The following TMC8 variants were observed in gnomAD, a reference collection of about 807,000 sequenced individuals.
TMC8 encodes the protein transmembrane channel-like protein 8.
Under a neutral mutation model 76.0 loss-of-function variants are expected in TMC8, and 71 were observed. The ratio of observed to expected loss-of-function variants is 0.93; its 90% CI spans 0.77 to 1.14. The LOEUF (loss-of-function observed/expected upper bound fraction) is 1.14, where lower values mean the gene tolerates loss of function less well. Ranked by LOEUF, TMC8 falls within the 50% of genes most tolerant of loss-of-function variation. TMC8 has a pLI of 0.00. For missense variants in TMC8, 924 were observed against 947.9 expected, an observed-to-expected ratio of 0.97 and a Z score of 0.33; for synonymous variants, 433 against 433.8, an observed-to-expected ratio of 1.00 and a Z score of 0.02.
intron 15 of TMC8, 43 bp downstream of exon 15, chr17:78,139,283 GA>G: frequency 6.2e-7 from 1 of 1,607,932 alleles, no homozygotes. Context: ...AGCTTCAGTG[GA>G]AACCCTTCCC....
chr17:78,140,920 C>T lies in TMC8; in HGVS notation c.1989C>T (p.Tyr663=), dbSNP rs748982537. ...PGPSDSPGPK[Y]PASQASRPQS... ...CGAGCGACTCTCCGGGCCCCAAGTA[C>T]CCTGCCTCCCAAGCTTCGCGCCCGC... Residue 663 remains tyrosine, a synonymous_variant, in exon 16 of 16, where the codon TAC becomes TAT. Transcript: ENST00000318430. The T allele has an allele frequency of 7.0e-5, 112 of 1,604,222 alleles. 1 individual carries two copies. The East Asian group carries it at 2.4e-3, about 34-fold the overall frequency.
In TMC8 at chr17:78,133,866, C is replaced by G. The variant is rs2075127868; in HGVS notation, c.682C>G (p.Leu228Val). ...CCTGCCCCGCAGGATGGTGAAGGGG[C>G]TGCCGCAGAAGACTCTGCTGGGTCA... ...CGTLRRMVKG[L>V]PQKTLLGQGY... The change falls in exon 7 of 16, where the codon CTG becomes GTG. Residue 228 changes from leucine (L) to valine (V), a missense_variant. Leu to Val is a conservative substitution (Grantham distance 32). Coordinates refer to ENST00000318430, the MANE Select transcript of TMC8 (RefSeq NM_152468.5). 6.2e-7 allele frequency: 1 copy of G among 1,613,166 alleles called. No homozygotes were observed.
At chr17:78,137,517 C>A in intron 10 of TMC8, 159 bp downstream of exon 10, 1 of 1,341,362 alleles carries the variant, frequency 7.5e-7, no homozygotes, top group Non-Finnish European at 1.1e-6. Context: ...GGCGCCACTG[C>A]TGCCACATGG....
intron 15 of TMC8, among the ~76,000 whole-genome samples, chr17:78,140,318 A>G (rs2075340139): frequency 6.9e-6 from 1 of 144,616 alleles, no homozygotes; most frequent in African/African-American, 2.7e-5. Flanking sequence ...GGAGACACCC[A>G]GTTTCCACAA....
Position 78,131,493 on chromosome 17 carries a change from G to A in TMC8, c.-96G>A. On this transcript the variant is annotated 5_prime_UTR_variant, in exon 2 of 16. Transcript: ENST00000318430. The stretch of plus-strand genomic sequence containing the variant: ...GCCCGCCCCCAGCCCAGCGTGCACA[G>A]AGGCCATAGCCAAGGCCTTAAGGCT... 1.3e-6 allele frequency: 2 copies of A among 1,494,176 alleles called. No individual in the cohort carries two copies. Among genetic ancestry groups the A allele is most frequent in the East Asian group, 4.9e-5 (2 of 40,674 alleles). The allele number at this position is 1,494,176 out of a possible 1,614,324, so 92.6% of individuals were successfully genotyped here.
intron 10 of TMC8, 75 bp from the exon 11 acceptor site, chr17:78,137,642 C>A: frequency 7.3e-7 from 1 of 1,375,750 alleles, no homozygotes; most frequent in South Asian, 1.2e-5. Flanking sequence ...CCACAGAAAC[C>A]CTCACAGGAG....
At position 78,132,800 on chromosome 17, in the gene TMC8, C is replaced by T. The variant is rs141101059; in HGVS notation, c.461C>T (p.Pro154Leu). ...TCCTCCTCAACAGCCCTCCAGTGCC[C>T]TGGTAGCCGCCAGTCCCCGCCTGGC... ...GPTLNLTLQC[P>L]GSRQSPPGVL... The change falls in exon 5 of 16, where the codon CCT becomes CTT. Residue 154 changes from proline to leucine, a missense_variant. Coordinates refer to ENST00000318430, the MANE Select transcript of TMC8 (RefSeq NM_152468.5). The T allele has an allele frequency of 6.2e-6, 10 of 1,614,206 alleles. No individual in the cohort carries two copies. The highest frequency in any genetic ancestry group is 8.5e-6 in the Non-Finnish European group (10 of 1,180,030).
intron 1 of TMC8, chr17:78,131,074 A>ATGCC (rs2074952018): frequency 5.2e-6 from 1 of 192,908 alleles, no homozygotes; most frequent in African/African-American, 2.4e-5. Flanking sequence ...GATGTGGCAG[A>ATGCC]TGCCGAGTCC....
rs372804106 is a variant in TMC8 at position 78,141,608 on chromosome 17, A to ACTCTTC, written c.*499_*504dup. 4 of 152,072 alleles carry ACTCTTC rather than the reference A, an allele frequency of 2.6e-5. No homozygotes were observed. Among genetic ancestry groups the ACTCTTC allele is most frequent in the African/African-American group, 9.7e-5 (4 of 41,440 alleles). 9.4% of individuals were successfully genotyped at this position (152,072 alleles called of 1,614,324 possible). On this transcript the variant is annotated 3_prime_UTR_variant, in exon 16 of 16. Coordinates refer to ENST00000318430, the MANE Select transcript of TMC8 (RefSeq NM_152468.5). Reference sequence around the variant, plus strand: ...ACTGCCTGCATCATCCCTTCCTGTTACTCTTCCTTCACCTGAGACAGTCGA... The same window carrying ACTCTTC: ...ACTGCCTGCATCATCCCTTCCTGTTACTCTTCCTCTTCCTTCACCTGAGACAGTCGA...
At position 78,138,337 on chromosome 17, in the gene TMC8, T is replaced by G; in HGVS notation, c.1534-12T>G. ...CTCGCTGACTCCTGGTTGCTATTGC[T>G]TGCGCCCCCAGTACACCCTCCTGAA... is the stretch of plus-strand genomic sequence containing the variant. On this transcript the variant is annotated splice_polypyrimidine_tract_variant and intron_variant, in intron 12 of 15. Transcript: ENST00000318430. 6 of 1,610,724 alleles carry G rather than the reference T, an allele frequency of 3.7e-6. No individual in the cohort carries two copies. Among genetic ancestry groups the G allele is most frequent in the Non-Finnish European group, 5.1e-6 (6 of 1,179,996 alleles).
In TMC8 at chr17:78,137,376, G is replaced by A. The variant is rs370094570; in HGVS notation, c.1251+18G>A. ...ACTATCAGGTGGCTGGCAGCCCGGCGGGGCCTGTCCCTCCCTTCCTTCTCC... is the reference window on the plus strand; with the variant it reads ...ACTATCAGGTGGCTGGCAGCCCGGCAGGGCCTGTCCCTCCCTTCCTTCTCC... On this transcript the variant is annotated intron_variant, in intron 10 of 15. Transcript: ENST00000318430. 71 of 1,613,530 alleles carry A rather than the reference G, an allele frequency of 4.4e-5. No individual in the cohort carries two copies. The highest frequency in any genetic ancestry group is 1.6e-4 in the Middle Eastern group (1 of 6,062).
chr17:78,134,763 C>A, intron 8 of TMC8, 107 bp from the exon 9 acceptor site: 1 of 1,578,680 alleles, frequency 6.3e-7, no homozygotes, highest in African/African-American at 1.3e-5. Flanking sequence ...TACAGGCGAC[C>A]CTATTCTGGG....
In TMC8 at chr17:78,131,656, A is replaced by C. The variant is rs1474594280; in HGVS notation, c.68A>C (p.Glu23Ala). 11 of 1,564,674 alleles carry C rather than the reference A, an allele frequency of 7.0e-6. No homozygotes were observed. The highest frequency in any genetic ancestry group is 8.7e-6 in the Non-Finnish European group (10 of 1,155,854). The change falls in exon 2 of 16, where the codon GAG becomes GCG. Residue 23 changes from glutamate (E) to alanine (A), a missense_variant. Glu to Ala is a moderately radical substitution (Grantham distance 107). Coordinates refer to ENST00000318430, the MANE Select transcript of TMC8 (RefSeq NM_152468.5). ...GTGCCGGAGCCGGAGGAGCTGTGGG[A>C]GGCAGAGATGGAGCGGCTGCGCGGC... ...PGVPEPEELW[E>A]AEMERLRGSG...
chr17:78,137,977 G>C, intron 11 of TMC8, 28 bp from the exon 12 acceptor site: 1 of 1,612,986 alleles, frequency 6.2e-7, no homozygotes, highest in Non-Finnish European at 8.5e-7. Context: ...CTGGAGTGGT[G>C]AGTACCTGGA....
rs750132459 is a variant in TMC8 at position 78,133,878 on chromosome 17, ACT to A, written c.697_698del (p.Leu233AlafsTer33). 5.6e-6 allele frequency: 9 copies of A among 1,613,142 alleles called. No homozygotes were observed. Among genetic ancestry groups the A allele is most frequent in the African/African-American group, 4.0e-5 (3 of 74,904 alleles). ...GATGGTGAAGGGGCTGCCGCAGAAG[ACT>A]CTGCTGGGTCAGGGCTATCAGGCGC... Reference protein sequence around the residue: ...RRMVKGLPQKTLLGQGYQAPL... With the variant: ...RRMVKGLPQKXLLGQGYQAPL... On this transcript the variant is annotated frameshift_variant, in exon 7 of 16. Coordinates refer to ENST00000318430, the MANE Select transcript of TMC8 (RefSeq NM_152468.5). LOFTEE classifies it high-confidence loss of function.
Position 78,134,422 on chromosome 17 carries a change from AGCT to A in TMC8, c.847_849del (p.Leu283del). ...GAGCTGGAGGAGGGCCGTCGCTTCC[AGCT>A]GATGCAGCAGCAGACCCGGGCCCAG... is the stretch of plus-strand genomic sequence containing the variant. On this transcript the variant is annotated inframe_deletion, in exon 8 of 16. Transcript: ENST00000318430. The A allele has an allele frequency of 6.2e-7, 1 of 1,613,134 alleles. No individual in the cohort carries two copies. Among genetic ancestry groups the A allele is most frequent in the Non-Finnish European group, 8.5e-7 (1 of 1,180,026 alleles).
chr17:78,131,326 G>C lies in TMC8; in HGVS notation c.-263G>C. Reference sequence around the variant, plus strand: ...GCTGTGTGTCCCTCTGAGAGTTGGAGCGGGGCTGGGCCCGAATTCGACCGC... The same window carrying C: ...GCTGTGTGTCCCTCTGAGAGTTGGACCGGGGCTGGGCCCGAATTCGACCGC... On this transcript the variant is annotated 5_prime_UTR_variant, in exon 2 of 16. Transcript: ENST00000318430. 1.7e-6 allele frequency: 1 copy of C among 578,134 alleles called. No individual in the cohort carries two copies. Among genetic ancestry groups the C allele is most frequent in the Non-Finnish European group, 3.1e-6 (1 of 323,524 alleles). 35.8% of individuals were successfully genotyped at this position (578,134 alleles called of 1,614,324 possible).
rs755225253 is a variant in TMC8 at position 78,133,947 on chromosome 17, C to T, written c.763C>T (p.Arg255Trp). The change falls in exon 7 of 16, where the codon CGG (arginine) becomes TGG (tryptophan). Residue 255 changes from arginine (R) to tryptophan (W), a missense_variant. Coordinates refer to ENST00000318430, the MANE Select transcript of TMC8 (RefSeq NM_152468.5). ...KVFSSWDFCI[R>W]VQEAATIKKH... ...CTTCTCCTCATGGGACTTCTGCATC[C>T]GGGTGCAGGAAGCAGCCACCATCAA... is the stretch of plus-strand genomic sequence containing the variant. The T allele has an allele frequency of 1.5e-5, 25 of 1,613,528 alleles. No homozygotes were observed. Among genetic ancestry groups the T allele is most frequent in the East Asian group, 8.9e-5 (4 of 44,898 alleles).
rs760559122 is a variant in TMC8, at chr17:78,134,947, C to G, written c.1065C>G (p.Phe355Leu). Residue 355 changes from phenylalanine to leucine, a missense_variant, in exon 9 of 16, where the codon TTC becomes TTG. Coordinates refer to ENST00000318430, the MANE Select transcript of TMC8 (RefSeq NM_152468.5). The part of the protein sequence containing the change: ...ALVNFLGPLL[F>L]TFLVQLENYP... ...TCAACTTCCTGGGTCCCCTGCTGTT[C>G]ACATTTCTGGTCCAGCTGGAGAACT... The G allele has an allele frequency of 5.8e-5, 94 of 1,614,042 alleles. No homozygotes were observed. The South Asian group carries it at 9.9e-4, about 17-fold the overall frequency.
Sources: gnomAD v4.1 joint callset for allele counts (sites outside exome capture counted in the v4.1 genomes callset) on GRCh38, gnomAD v4.1.1 for gene constraint, MANE v1.5 for transcripts, NCBI Gene and HGNC (gene_info 2026-07-23, HGNC 2026-07-21) for gene names.